Variants in USP45 observed in about 807,000 individuals in gnomAD.
USP45 encodes the protein ubiquitin specific peptidase 45, also known as ubiquitin carboxyl-terminal hydrolase 45.
A neutral mutation model predicts 95.8 loss-of-function variants in USP45; 89 were observed. The observed-to-expected ratio is 0.93, with a 90% CI of 0.78 to 1.11. The LOEUF (loss-of-function observed/expected upper bound fraction) is 1.11, where lower values mean the gene tolerates loss of function less well. Among genes scored for constraint, USP45 ranks in the 50% least tolerant of loss-of-function variants. The pLI, the probability that USP45 is intolerant of heterozygous loss-of-function variation, is 0.00. For missense variants in USP45, 898 were observed against 942.5 expected (o/e 0.95, Z 0.62); for synonymous variants, 281 against 316.2 (o/e 0.89, Z 1.18).
At chr6:99,458,981 GATTT>G (rs1269027563) in intron 13 of USP45, among the ~76,000 whole-genome samples, 4 of 152,138 alleles carry the variant, frequency 2.6e-5, no homozygotes, top group African/African-American at 4.8e-5. Flanking sequence ...ACAGCAATGA[GATTT>G]ATTTTTTCAA....
chr6:99,513,277 A>C (rs1312732988), intron 1 of USP45, among the ~76,000 whole-genome samples: 1 of 152,090 alleles, frequency 6.6e-6, no homozygotes, highest in East Asian at 1.9e-4. Context: ...TATTCACTTC[A>C]CCTTCTGGTC....
chr6:99,443,724 T>C (rs758014741), intron 14 of USP45, 62 bp from the exon 15 acceptor site: 4 of 1,068,864 alleles, frequency 3.7e-6, no homozygotes, highest in Non-Finnish European at 5.3e-6. Context: ...TACCATATAA[T>C]AAAAATTTAT....
At chr6:99,493,251 C>T (rs1315010429) in intron 5 of USP45, among the ~76,000 whole-genome samples, 1 of 152,072 alleles carries the variant, frequency 6.6e-6, no homozygotes, top group Non-Finnish European at 1.5e-5. Context: ...GTCTTGAACT[C>T]CTGACTTCAG....
intron 5 of USP45, among the ~76,000 whole-genome samples, chr6:99,501,193 C>G (rs186251442): frequency 3.3e-5 from 5 of 151,578 alleles, no homozygotes; most frequent in East Asian, 3.9e-4. Context: ...CCTGCCCCCC[C>G]ACAATCACCT....
intron 1 of USP45, among the ~76,000 whole-genome samples, chr6:99,513,725 T>C (rs1056867571): frequency 6.6e-6 from 1 of 152,266 alleles, no homozygotes; most frequent in Non-Finnish European, 1.5e-5. Flanking sequence ...TGATGATTTT[T>C]CTGCCATATG....
chr6:99,495,370 G>T (rs1459237793), intron 5 of USP45, among the ~76,000 whole-genome samples: 5 of 152,200 alleles, frequency 3.3e-5, no homozygotes, highest in African/African-American at 1.2e-4. Context: ...AATTGCCTTG[G>T]TTAAACCAAA....
intron 10 of USP45, among the ~76,000 whole-genome samples, chr6:99,467,636 G>A (rs1436664732): frequency 6.6e-6 from 1 of 151,934 alleles, no homozygotes; most frequent in Non-Finnish European, 1.5e-5. Context: ...AAAACTAAAA[G>A]GGATTGGAAA....
chr6:99,446,839 A>G (rs1025475247), intron 13 of USP45, among the ~76,000 whole-genome samples: 6 of 152,094 alleles, frequency 3.9e-5, no homozygotes, highest in Admixed American at 1.3e-4. Flanking sequence ...AAACTCTCGG[A>G]CTCAAGTGAT....
At position 99,448,572 on chromosome 6, in the gene USP45, G is replaced by C. The variant is rs180761684; in HGVS notation, c.1309-2109C>G. On this transcript the variant is annotated intron_variant, in intron 13 of 17. Coordinates refer to ENST00000500704, the MANE Select transcript of USP45 (RefSeq NM_001346022.3). ...AAATCTATGTCTGATTGCTGTACCT[G>C]AAAGTGACAGGGAGAATGGAAAACA... Among the ~76,000 whole-genome samples the C allele has an allele frequency of 9.1e-3, 1,392 of 152,302 alleles. 22 individuals carry two copies. Among genetic ancestry groups the C allele is most frequent in the African/African-American group, 0.032 (1,323 of 41,564 alleles).
intron 13 of USP45, among the ~76,000 whole-genome samples, chr6:99,456,654 C>T (rs576838653): frequency 8.3e-4 from 127 of 152,298 alleles, no homozygotes; most frequent in African/African-American, 3.1e-3. Context: ...CCTGTCTTTA[C>T]TTTAATCTCT....
At chr6:99,444,193 T>G (rs992692202) in intron 14 of USP45, among the ~76,000 whole-genome samples, 24 of 151,964 alleles carry the variant, frequency 1.6e-4, no homozygotes, top group African/African-American at 5.8e-4. Context: ...TAAAACGTTT[T>G]TTGTAGACAT....
rs114775530 is a variant in USP45 at position 99,468,280 on chromosome 6, C to T, written c.1015+257G>A. On this transcript the variant is annotated intron_variant, in intron 10 of 17. Transcript: ENST00000500704. ...ACTTTCAACAACCTTTCAAGTTTCC[C>T]TTAGAAGACCTCACATAAAGGTATC... 776 of 507,864 alleles carry T rather than the reference C, an allele frequency of 1.5e-3. 3 individuals are homozygous for T. Among genetic ancestry groups the T allele is most frequent in the African/African-American group, 0.011 (566 of 52,528 alleles). The allele number at this position is 507,864 out of a possible 1,614,324, so 31.5% of individuals were successfully genotyped here. A position where few individuals can be genotyped will look rare whatever the true frequency, so the allele number is the denominator to read the frequency against.
chr6:99,451,520 A>G (rs917841788), intron 13 of USP45, among the ~76,000 whole-genome samples: 2 of 152,178 alleles, frequency 1.3e-5, no homozygotes, highest in Non-Finnish European at 2.9e-5. Flanking sequence ...ACTGCTCAAC[A>G]AAATAAAAGA....
chr6:99,478,974 T>C (rs901647241), intron 8 of USP45, among the ~76,000 whole-genome samples: 43 of 148,126 alleles, frequency 2.9e-4, no homozygotes, highest in African/African-American at 9.5e-4. Flanking sequence ...TCCATTTCTA[T>C]AGAATTCCCC....
chr6:99,482,536 T>G, intron 8 of USP45: 1 of 415,340 alleles, frequency 2.4e-6, no homozygotes, highest in Non-Finnish European at 4.2e-6. Context: ...CCATTTAATT[T>G]CTGTGTCTCC....
intron 14 of USP45, 101 bp from the exon 15 acceptor site, chr6:99,443,763 AT>A (rs1416014071): frequency 2.6e-6 from 2 of 755,832 alleles, no homozygotes; most frequent in East Asian, 5.9e-5. Context: ...ATTTTTAAAA[AT>A]GTTAAAGAAA....
At chr6:99,513,141 A>C (rs1448068067) in intron 1 of USP45, among the ~76,000 whole-genome samples, 1 of 152,182 alleles carries the variant, frequency 6.6e-6, no homozygotes. Flanking sequence ...GGTGAACCGG[A>C]ATACTTGTGC....
At chr6:99,437,208 T>C (rs769894230) in intron 17 of USP45, 38 bp downstream of exon 17, 2 of 1,570,480 alleles carry the variant, frequency 1.3e-6, no homozygotes, top group African/African-American at 1.4e-5. Flanking sequence ...CACATATTCG[T>C]TTGTTTTTAA....
chr6:99,434,090 CTTGA>C lies in USP45; in HGVS notation c.*1622_*1625del, dbSNP rs1263549762. ...TGCAGATTAACTTAAAGATATATTT[CTTGA>C]TTATTTCACTGTTAAAAATCAAGAA... On this transcript the variant is annotated 3_prime_UTR_variant, in exon 18 of 18. Transcript: ENST00000500704. The C allele has an allele frequency of 1.2e-4, 18 of 152,150 alleles. No individual in the cohort carries two copies. Among genetic ancestry groups the C allele is most frequent in the Admixed American group, 1.1e-3 (17 of 15,274 alleles). The allele number at this position is 152,150 out of a possible 1,614,324, so 9.4% of individuals were successfully genotyped here. A position where few individuals can be genotyped will look rare whatever the true frequency, so the allele number is the denominator to read the frequency against.
Sources: allele counts gnomAD v4.1 joint callset (sites outside exome capture counted in the v4.1 genomes callset), GRCh38; gene constraint gnomAD v4.1.1; transcripts MANE v1.5; gene names NCBI Gene and HGNC (gene_info 2026-07-23, HGNC 2026-07-21).